The following RASGRP3 variants were observed in gnomAD, a reference collection of about 807,000 sequenced individuals.
The protein encoded by RASGRP3 is RAS guanyl releasing protein 3.
Under a neutral mutation model 82.7 loss-of-function variants are expected in RASGRP3, and 54 were observed. The ratio of observed to expected loss-of-function variants is 0.65; its 90% CI spans 0.52 to 0.82. The LOEUF (loss-of-function observed/expected upper bound fraction) is 0.82. RASGRP3 is among the 40% of genes least tolerant of loss of function. The pLI is 0.00. For missense variants in RASGRP3, 861 were observed against 828.9 expected (o/e 1.04, Z -0.48); for synonymous variants, 309 against 300.5 (o/e 1.03, Z -0.29).
intron 1 of RASGRP3, among the ~76,000 whole-genome samples, chr2:33,505,028 G>T (rs547648828): frequency 2.5e-4 from 38 of 152,186 alleles, no homozygotes; most frequent in African/African-American, 8.9e-4. Context: ...TGGATTGTTT[G>T]GGAGGAGCCT....
At chr2:33,452,593 A>T (rs1665857314) in intron 2 of RASGRP3, among the ~76,000 whole-genome samples, 1 of 152,148 alleles carries the variant, frequency 6.6e-6, no homozygotes, top group African/African-American at 2.4e-5. Context: ...CATGGGGGCC[A>T]TCCTGTCCAT....
intron 17 of RASGRP3, among the ~76,000 whole-genome samples, chr2:33,560,981 T>TA (rs927109650): frequency 1.3e-5 from 2 of 152,186 alleles, no homozygotes; most frequent in African/African-American, 4.8e-5. Flanking sequence ...TCTGGGTTTT[T>TA]AAAAAAATTT....
intron 2 of RASGRP3, among the ~76,000 whole-genome samples, chr2:33,463,276 A>G (rs1485335930): frequency 1.3e-5 from 2 of 152,256 alleles, no homozygotes; most frequent in Non-Finnish European, 2.9e-5. Flanking sequence ...GAAGATGATT[A>G]GATGGACAGA....
At chr2:33,551,212 C>G (rs1375046910) in intron 14 of RASGRP3, among the ~76,000 whole-genome samples, 2 of 152,154 alleles carry the variant, frequency 1.3e-5, no homozygotes, top group Non-Finnish European at 2.9e-5. Flanking sequence ...TCTCAGGAGG[C>G]TGAGGCAGGA....
chr2:33,477,410 C>A (rs922431827), intron 1 of RASGRP3, among the ~76,000 whole-genome samples: 1 of 152,188 alleles, frequency 6.6e-6, no homozygotes, highest in Admixed American at 6.5e-5. Flanking sequence ...TCTTCCTTCA[C>A]CTTCATTACT....
intron 11 of RASGRP3, among the ~76,000 whole-genome samples, chr2:33,537,309 C>CACAA (rs1673713941): frequency 2.0e-5 from 1 of 50,768 alleles, no homozygotes; most frequent in South Asian, 5.2e-4. Context: ...CTAAAATACA[C>CACAA]ACACACACAC....
intron 12 of RASGRP3, among the ~76,000 whole-genome samples, chr2:33,542,956 G>T (rs527526933): frequency 6.6e-6 from 1 of 152,168 alleles, no homozygotes; most frequent in East Asian, 1.9e-4. Context: ...GCCTCCTAAA[G>T]TGCTAGGATT....
At chr2:33,549,256 A>T (rs1675141204) in intron 13 of RASGRP3, among the ~76,000 whole-genome samples, 1 of 152,164 alleles carries the variant, frequency 6.6e-6, no homozygotes, top group African/African-American at 2.4e-5. Flanking sequence ...TTGCAACCTT[A>T]CAGCTAGGCA....
chr2:33,436,920 C>T (rs1664954690), intron 1 of RASGRP3, among the ~76,000 whole-genome samples: 1 of 151,946 alleles, frequency 6.6e-6, no homozygotes, highest in Admixed American at 6.6e-5. Context: ...TGCTTGTCTG[C>T]CCTTTTCAAA....
chr2:33,479,867 G>A (rs780244259), intron 1 of RASGRP3, among the ~76,000 whole-genome samples: 5 of 151,894 alleles, frequency 3.3e-5, no homozygotes, highest in Non-Finnish European at 7.4e-5. Flanking sequence ...TGGAGATAAT[G>A]GGAAAGAGCA....
At chr2:33,499,514 C>A (rs112396420) in intron 1 of RASGRP3, among the ~76,000 whole-genome samples, 1 of 152,048 alleles carries the variant, frequency 6.6e-6, no homozygotes, top group East Asian at 1.9e-4. Flanking sequence ...GCCAAGATCA[C>A]GCCACTGCAC....
chr2:33,562,838 G>A lies in RASGRP3; in HGVS notation c.*101G>A, dbSNP rs1205486243. On this transcript the variant is annotated 3_prime_UTR_variant, in exon 18 of 18. Coordinates refer to ENST00000403687, the MANE Select transcript of RASGRP3 (RefSeq NM_001139488.2). ...TGACTCTCAGGAAGTTATCTGGAAA[G>A]ATACCTGGATGTTTACTGCCTTGGG... 1 of 1,455,470 alleles carries A rather than the reference G, an allele frequency of 6.9e-7. No individual in the cohort carries two copies. The highest frequency in any genetic ancestry group is 2.3e-5 in the East Asian group (1 of 43,656). 90.2% of individuals were successfully genotyped at this position (1,455,470 alleles called of 1,614,324 possible). A position where few individuals can be genotyped will look rare whatever the true frequency, so the allele number is the denominator to read the frequency against.
At chr2:33,484,818 A>G (rs537379011) in intron 1 of RASGRP3, among the ~76,000 whole-genome samples, 1 of 152,354 alleles carries the variant, frequency 6.6e-6, no homozygotes, top group South Asian at 2.1e-4. Context: ...CAAGCCAGTG[A>G]GTAAGAGTCT....
rs372261503 is a variant in RASGRP3 at position 33,553,775 on chromosome 2, ATCTC to A, written c.1543-1750_1543-1747del. 5.3e-3 allele frequency among the ~76,000 whole-genome samples: 807 copies of A among 152,066 alleles called. 2 individuals carry two copies. The highest frequency in any genetic ancestry group is 0.017 in the Middle Eastern group (5 of 294). On this transcript the variant is annotated intron_variant, in intron 14 of 17. Transcript: ENST00000403687. ...ATTATTATTTTTTCTTTGAGATAGA[ATCTC>A]TCTCTGTCGCCTGCAGTGGCGCGAT...
chr2:33,464,285 AT>A (rs567596279), intron 2 of RASGRP3, among the ~76,000 whole-genome samples: 1 of 149,592 alleles, frequency 6.7e-6, no homozygotes. Flanking sequence ...CACCTGGCTA[AT>A]TTTTTTGTAT....
At chr2:33,470,490 C>A (rs1003843322) in intron 2 of RASGRP3, among the ~76,000 whole-genome samples, 1 of 151,724 alleles carries the variant, frequency 6.6e-6, no homozygotes. Context: ...CGCCATTTTC[C>A]TGCCTCAGCC....
At chr2:33,442,362 T>G (rs1020124415) in intron 1 of RASGRP3, among the ~76,000 whole-genome samples, 3 of 152,196 alleles carry the variant, frequency 2.0e-5, no homozygotes, top group Non-Finnish European at 4.4e-5. Context: ...AGACTACGTC[T>G]CGAAAAAAAA....
At position 33,558,969 on chromosome 2, in the gene RASGRP3, A is replaced by T. The variant is rs1485532851; in HGVS notation, c.2003A>T (p.Asp668Val). Residue 668 changes from aspartate to valine, a missense_variant, in exon 17 of 18, where the codon GAC becomes GTC. By Grantham distance (152) the Asp-to-Val change is radical. Transcript: ENST00000403687. Reference sequence around the variant, plus strand: ...GTGCATGCTGGTGTGGATGTTGTAGACCGGGGCACGGAGTTTGAACTTGAC... The same window carrying T: ...GTGCATGCTGGTGTGGATGTTGTAGTCCGGGGCACGGAGTTTGAACTTGAC... ...PRVHAGVDVV[D>V]RGTEFELDQD... The T allele has an allele frequency of 1.2e-6, 2 of 1,613,856 alleles. No homozygotes were observed. The highest frequency in any genetic ancestry group is 2.7e-5 in the African/African-American group (2 of 74,922).
At position 33,515,007 on chromosome 2, in the gene RASGRP3, T is replaced by C; in HGVS notation, c.-127-3T>C. On this transcript the variant is annotated splice_polypyrimidine_tract_variant and splice_region_variant and intron_variant, in intron 2 of 17. Coordinates refer to ENST00000403687, the MANE Select transcript of RASGRP3 (RefSeq NM_001139488.2). The stretch of plus-strand genomic sequence containing the variant: ...ACTTTCTCTCTTTTTTCTTTTTTTT[T>C]AGAGTTTTCTTGAAGTACAACTAAG... 1.1e-5 allele frequency: 9 copies of C among 803,764 alleles called. No homozygotes were observed. Among genetic ancestry groups the C allele is most frequent in the Non-Finnish European group, 1.9e-5 (9 of 479,938 alleles). The allele number at this position is 803,764 out of a possible 1,614,324, so 49.8% of individuals were successfully genotyped here.
Sources: allele counts gnomAD v4.1 joint callset (sites outside exome capture counted in the v4.1 genomes callset), GRCh38; gene constraint gnomAD v4.1.1; transcripts MANE v1.5; gene names NCBI Gene and HGNC (gene_info 2026-07-23, HGNC 2026-07-21).